ADGRL3: variants seen among roughly 807,000 people sequenced by gnomAD.
The protein encoded by ADGRL3 is calcium-independent alpha-latrotoxin receptor 3.
A neutral mutation model predicts 153.5 loss-of-function variants in ADGRL3; 62 were observed. That is an observed-to-expected ratio of 0.40 (90% CI 0.33 to 0.50). The LOEUF (loss-of-function observed/expected upper bound fraction) is 0.50. Among genes scored for constraint, ADGRL3 ranks in the 20% least tolerant of loss-of-function variants. The pLI, the probability that ADGRL3 is intolerant of heterozygous loss-of-function variation, is 0.47. For synonymous variants in ADGRL3, 710 were observed against 672.5 expected (o/e 1.06, Z -0.86); for missense variants, 1,641 against 1,859.4 (o/e 0.88, Z 2.16).
chr4:61,746,942 A>T (rs1185644742), intron 8 of ADGRL3, among the ~76,000 whole-genome samples: 5 of 152,216 alleles, frequency 3.3e-5, no homozygotes, highest in African/African-American at 1.2e-4. Context: ...AAGGATCAAC[A>T]AAATTGATAG....
intron 2 of ADGRL3, among the ~76,000 whole-genome samples, chr4:61,402,703 T>G (rs2096944582): frequency 6.6e-6 from 1 of 152,064 alleles, no homozygotes; most frequent in African/African-American, 2.4e-5. Context: ...GAAGTCACCC[T>G]TCTTCCCTCC....
intron 5 of ADGRL3, among the ~76,000 whole-genome samples, chr4:61,618,936 C>T (rs762955817): frequency 6.6e-6 from 1 of 152,120 alleles, no homozygotes; most frequent in Non-Finnish European, 1.5e-5. Context: ...AGACTGGTCT[C>T]GAACTCCTGA....
Position 61,935,926 on chromosome 4 carries a change from T to A in ADGRL3, c.2300T>A (p.Leu767Ter). The A allele has an allele frequency of 6.3e-7, 1 of 1,590,596 alleles. No homozygotes were observed. Among genetic ancestry groups the A allele is most frequent in the South Asian group, 1.1e-5 (1 of 87,456 alleles). Residue 767 changes from leucine to a stop codon, truncating the protein, a stop_gained, in exon 15 of 27, where the codon TTG becomes TAG. Coordinates refer to ENST00000683033, the MANE Select transcript of ADGRL3 (RefSeq NM_001387552.1). LOFTEE classifies it high-confidence loss of function. ...IVRENTDNIK[L>*]EVARLSTEGN... ...GATATCTCTTTGATATTAACAGAAT[T>A]GGAAGTTGCAAGACTGAGCACAGAA...
chr4:61,517,601 T>TG, intron 4 of ADGRL3, 83 bp downstream of exon 4: 1 of 673,442 alleles, frequency 1.5e-6, no homozygotes, highest in Non-Finnish European at 2.7e-6. Context: ...ATGCCCGAAA[T>TG]GTGTCTTCTT....
At chr4:61,950,682 AAAG>A (rs144718705) in intron 17 of ADGRL3, among the ~76,000 whole-genome samples, 238 of 152,334 alleles carry the variant, frequency 1.6e-3, no homozygotes, top group African/African-American at 5.7e-3. Context: ...GATTTCATAA[AAAG>A]AAGAAGTGTT....
intron 9 of ADGRL3, among the ~76,000 whole-genome samples, chr4:61,857,442 A>G (rs542895176): frequency 6.6e-6 from 1 of 151,986 alleles, no homozygotes; most frequent in Non-Finnish European, 1.5e-5. Context: ...TCTTGGGGGG[A>G]TTTTAATTTT....
At chr4:61,841,092 A>G (rs1012979247) in intron 9 of ADGRL3, among the ~76,000 whole-genome samples, 2 of 152,130 alleles carry the variant, frequency 1.3e-5, no homozygotes, top group African/African-American at 4.8e-5. Flanking sequence ...ATTCCCATAA[A>G]AGGCAAGCTA....
intron 25 of ADGRL3, among the ~76,000 whole-genome samples, chr4:62,059,238 A>T (rs559091730): frequency 3.9e-5 from 6 of 151,970 alleles, no homozygotes; most frequent in Admixed American, 3.9e-4. Flanking sequence ...AATGAGGGAT[A>T]ATTGTTTGAT....
chr4:61,549,932 T>A (rs968182946), intron 4 of ADGRL3, among the ~76,000 whole-genome samples: 14 of 152,002 alleles, frequency 9.2e-5, no homozygotes, highest in Non-Finnish European at 1.6e-4. Flanking sequence ...TAAATAAAAT[T>A]TATGTGGCTC....
At chr4:61,963,348 A>C (rs1416869105) in intron 17 of ADGRL3, among the ~76,000 whole-genome samples, 1 of 151,782 alleles carries the variant, frequency 6.6e-6, no homozygotes, top group Non-Finnish European at 1.5e-5. Context: ...TAGTGGGCAG[A>C]TAATTTTGTC....
At chr4:61,657,684 A>G (rs2150509440) in intron 5 of ADGRL3, among the ~76,000 whole-genome samples, 1 of 152,334 alleles carries the variant, frequency 6.6e-6, no homozygotes. Context: ...ATAATTTTGA[A>G]AATGTCCGCT....
chr4:61,717,473 T>C lies in ADGRL3; in HGVS notation c.584-13149T>C, dbSNP rs1423149595. On this transcript the variant is annotated intron_variant, in intron 6 of 26. Coordinates refer to ENST00000683033, the MANE Select transcript of ADGRL3 (RefSeq NM_001387552.1). ...ATTGTCTTATAAATTCCTAGCTCTA[T>C]TTCTTACCTGATTTGTGACCTTGAG... 2.0e-5 allele frequency among the ~76,000 whole-genome samples: 3 copies of C among 152,242 alleles called. No individual in the cohort carries two copies. The East Asian group carries it at 5.8e-4, about 29-fold the overall frequency.
At chr4:61,938,865 A>AAC in intron 15 of ADGRL3, among the ~76,000 whole-genome samples, 1 of 142,626 alleles carries the variant, frequency 7.0e-6, no homozygotes, top group East Asian at 2.0e-4. Context: ...TCCTCCTCAA[A>AAC]AAAAAAAAAA....
At chr4:61,475,464 A>G (rs1406883394) in intron 2 of ADGRL3, among the ~76,000 whole-genome samples, 1 of 152,160 alleles carries the variant, frequency 6.6e-6, no homozygotes, top group Non-Finnish European at 1.5e-5. Flanking sequence ...CTTGAAGTAC[A>G]TAAGAAACAG....
intron 1 of ADGRL3, among the ~76,000 whole-genome samples, chr4:61,288,915 T>C (rs746304075): frequency 6.6e-6 from 1 of 152,008 alleles, no homozygotes; most frequent in African/African-American, 2.4e-5. Flanking sequence ...AAACTTGTTA[T>C]ACTGGTGTGC....
At chr4:61,616,382 G>A (rs1398427078) in intron 5 of ADGRL3, among the ~76,000 whole-genome samples, 1 of 152,030 alleles carries the variant, frequency 6.6e-6, no homozygotes, top group Non-Finnish European at 1.5e-5. Flanking sequence ...GAATAGTTAA[G>A]TGGAAAAAAC....
intron 9 of ADGRL3, among the ~76,000 whole-genome samples, chr4:61,890,949 T>C (rs939603312): frequency 2.6e-5 from 1 of 38,272 alleles, no homozygotes; most frequent in African/African-American, 1.3e-4. Flanking sequence ...TTATTATATA[T>C]GCAAATTATA....
chr4:61,312,528 AC>A, intron 1 of ADGRL3, among the ~76,000 whole-genome samples: 1 of 152,344 alleles, frequency 6.6e-6, no homozygotes, highest in African/African-American at 2.4e-5. Flanking sequence ...TTTGAAACAT[AC>A]AAAAACTTCT....
intron 9 of ADGRL3, among the ~76,000 whole-genome samples, chr4:61,820,386 G>A (rs181717778): frequency 6.6e-6 from 1 of 152,182 alleles, no homozygotes; most frequent in Admixed American, 6.5e-5. Flanking sequence ...TAGTTTACTA[G>A]TGCATTAAAA....
Sources: gnomAD v4.1 joint callset for allele counts (sites outside exome capture counted in the v4.1 genomes callset) on GRCh38, gnomAD v4.1.1 for gene constraint, MANE v1.5 for transcripts, NCBI Gene and HGNC (gene_info 2026-07-23, HGNC 2026-07-21) for gene names.